PLS1: variants seen among roughly 807,000 people sequenced by gnomAD.
PLS1 encodes plastin 1.
A neutral mutation model predicts 73.7 loss-of-function variants in PLS1; 32 were observed. That is an observed-to-expected ratio of 0.43 (90% confidence interval 0.33 to 0.58). The LOEUF (loss-of-function observed/expected upper bound fraction) is 0.58, where lower values mean the gene tolerates loss of function less well. Ranked by LOEUF, PLS1 falls within the 20% of genes least tolerant of loss-of-function variation. The probability of loss-of-function intolerance (pLI) is 0.04; values close to 1 mark genes in which losing one functional copy is unlikely to be tolerated. For missense variants in PLS1, 633 were observed against 740.5 expected (o/e 0.85, Z 1.68); for synonymous variants, 217 against 261.3 (o/e 0.83, Z 1.63).
chr3:142,613,174 C>T (rs554918857), intron 1 of PLS1, among the ~76,000 whole-genome samples: 40 of 152,274 alleles, frequency 2.6e-4, no homozygotes, highest in African/African-American at 7.9e-4. Context: ...AGTTTACTTT[C>T]CCATTTAAGT....
At chr3:142,679,256 G>A (rs1332629593) in intron 6 of PLS1, among the ~76,000 whole-genome samples, 5 of 151,250 alleles carry the variant, frequency 3.3e-5, no homozygotes, top group Admixed American at 6.6e-5. Context: ...TTCTTTTGCT[G>A]TGCAGAAGCT....
At chr3:142,647,034 G>C (rs929309624) in intron 1 of PLS1, among the ~76,000 whole-genome samples, 1 of 152,176 alleles carries the variant, frequency 6.6e-6, no homozygotes, top group Non-Finnish European at 1.5e-5. Context: ...GGTGGAAAAA[G>C]GGAGAGTCCT....
intron 1 of PLS1, among the ~76,000 whole-genome samples, chr3:142,631,103 A>C (rs1273315821): frequency 6.6e-6 from 1 of 151,780 alleles, no homozygotes. Context: ...GAGACTGGGC[A>C]TGGTGGCTCA....
chr3:142,600,371 G>C (rs13093869), intron 1 of PLS1, among the ~76,000 whole-genome samples: 98,055 of 151,864 alleles, frequency 0.65, 33,198 homozygotes, highest in African/African-American at 0.87. Context: ...TAGATATATT[G>C]TACACTACCA....
chr3:142,659,739 C>T (rs771754588), intron 1 of PLS1, among the ~76,000 whole-genome samples: 22 of 151,104 alleles, frequency 1.5e-4, no homozygotes, highest in Non-Finnish European at 2.8e-4. Flanking sequence ...TCTTGTTGCC[C>T]AGACTGGAGT....
intron 1 of PLS1, among the ~76,000 whole-genome samples, chr3:142,610,811 C>T (rs1459551658): frequency 1.3e-5 from 2 of 152,112 alleles, no homozygotes; most frequent in South Asian, 2.1e-4. Context: ...TATGAGGAGC[C>T]CCATCTCAGG....
intron 10 of PLS1, among the ~76,000 whole-genome samples, chr3:142,690,181 T>C (rs1168262734): frequency 1.3e-5 from 2 of 152,196 alleles, no homozygotes; most frequent in East Asian, 3.8e-4. Flanking sequence ...TATTGTTCTC[T>C]TTTTAAGGTT....
intron 1 of PLS1, among the ~76,000 whole-genome samples, chr3:142,626,421 C>T (rs2036429935): frequency 6.6e-6 from 1 of 151,864 alleles, no homozygotes; most frequent in African/African-American, 2.4e-5. Flanking sequence ...TCCTGGCAGC[C>T]AAACATAAAG....
intron 1 of PLS1, among the ~76,000 whole-genome samples, chr3:142,652,708 G>A (rs2037125465): frequency 2.6e-5 from 4 of 152,184 alleles, no homozygotes; most frequent in Admixed American, 2.6e-4. Flanking sequence ...CACCTGTTTG[G>A]TGTTAGCCAT....
At chr3:142,633,097 A>C (rs1236881348) in intron 1 of PLS1, among the ~76,000 whole-genome samples, 2 of 152,240 alleles carry the variant, frequency 1.3e-5, no homozygotes, top group Non-Finnish European at 2.9e-5. Context: ...ACGAACCTCA[A>C]GGACGTTTTA....
Position 142,633,148 on chromosome 3 carries a change from T to C in PLS1, c.-36-31054T>C, listed in dbSNP as rs115670362. On this transcript the variant is annotated intron_variant, in intron 1 of 15. Transcript: ENST00000457734. The stretch of plus-strand genomic sequence containing the variant: ...CAGTGACAAAAGTACAAAGACTGTA[T>C]GATTCCACTCATGTGAACCATGTAG... 6.2e-3 allele frequency among the ~76,000 whole-genome samples: 939 copies of C among 152,356 alleles called. 4 individuals carry two copies. Among genetic ancestry groups the C allele is most frequent in the Non-Finnish European group, 9.4e-3 (639 of 68,032 alleles).
rs10631186 is a variant in PLS1 at position 142,704,635 on chromosome 3, ATTTTTTTTTTTTTTTTT to A, written c.1629+63_1629+79del. On this transcript the variant is annotated intron_variant, in intron 14 of 15. Coordinates refer to ENST00000457734, the MANE Select transcript of PLS1 (RefSeq NM_001145319.2). Reference sequence around the variant, plus strand: ...TTTTTTTTTGTAGGTATAGGAAGGAATTTTTTTTTTTTTTTTTTTTTTTTTTTTTTGGAGATGGAGTC... The same window carrying A: ...TTTTTTTTTGTAGGTATAGGAAGGAATTTTTTTTTTTTTGGAGATGGAGTC... 304 of 261,992 alleles carry A rather than the reference ATTTTTTTTTTTTTTTTT, an allele frequency of 1.2e-3. 2 individuals are homozygous for A. The highest frequency in any genetic ancestry group is 3.3e-3 in the South Asian group (82 of 24,624). The allele number at this position is 261,992 out of a possible 1,614,324, so 16.2% of individuals were successfully genotyped here.
chr3:142,712,999 A>G lies in PLS1; in HGVS notation c.*992A>G, dbSNP rs1438831014. On this transcript the variant is annotated 3_prime_UTR_variant, in exon 16 of 16. Coordinates refer to ENST00000457734, the MANE Select transcript of PLS1 (RefSeq NM_001145319.2). ...CTGTTAGCTTCATATTATACTTGCTAGTTTAGGTCTCTATAGAAGCCCTAT... is the reference window on the plus strand; with the variant it reads ...CTGTTAGCTTCATATTATACTTGCTGGTTTAGGTCTCTATAGAAGCCCTAT... 1 of 152,598 alleles carries G rather than the reference A, an allele frequency of 6.6e-6. No homozygotes were observed. The highest frequency in any genetic ancestry group is 1.9e-4 in the East Asian group (1 of 5,206). The allele number at this position is 152,598 out of a possible 1,614,324, so 9.5% of individuals were successfully genotyped here.
At chr3:142,696,721 A>AATAATAATT (rs10683463) in intron 11 of PLS1, among the ~76,000 whole-genome samples, 1 of 10,772 alleles carries the variant, frequency 9.3e-5, no homozygotes, top group African/African-American at 1.4e-3. Context: ...CTATTTGCAA[A>AATAATAATT]ATAATAATAA....
intron 1 of PLS1, among the ~76,000 whole-genome samples, chr3:142,603,085 G>A (rs1444971033): frequency 6.6e-6 from 1 of 152,174 alleles, no homozygotes; most frequent in Non-Finnish European, 1.5e-5. Flanking sequence ...TGCTGCATAC[G>A]GGTTTATTGG....
At chr3:142,633,342 T>A (rs534955502) in intron 1 of PLS1, among the ~76,000 whole-genome samples, 1 of 152,302 alleles carries the variant, frequency 6.6e-6, no homozygotes, top group East Asian at 1.9e-4. Context: ...AAATGTATAC[T>A]TAAAAATGGT....
chr3:142,683,465 T>C (rs563165642), intron 6 of PLS1, among the ~76,000 whole-genome samples: 25 of 152,052 alleles, frequency 1.6e-4, no homozygotes, highest in Admixed American at 3.3e-4. Context: ...GATAGTGCCA[T>C]TGCACTCCAG....
At position 142,712,382 on chromosome 3, in the gene PLS1, T is replaced by G. The variant is rs1218737001; in HGVS notation, c.*375T>G. 2 of 170,104 alleles carry G rather than the reference T, an allele frequency of 1.2e-5. No homozygotes were observed. Among genetic ancestry groups the G allele is most frequent in the Non-Finnish European group, 2.5e-5 (2 of 78,700 alleles). The allele number at this position is 170,104 out of a possible 1,614,324, so 10.5% of individuals were successfully genotyped here. A position where few individuals can be genotyped will look rare whatever the true frequency, so the allele number is the denominator to read the frequency against. On this transcript the variant is annotated 3_prime_UTR_variant, in exon 16 of 16. Transcript: ENST00000457734. ...ATGTGGTTTGATTTTTTTGGTGTGT[T>G]AATTTTGATCATAAATGCATTCATA... is the stretch of plus-strand genomic sequence containing the variant.
chr3:142,652,607 G>A (rs1042432413), intron 1 of PLS1, among the ~76,000 whole-genome samples: 3 of 152,160 alleles, frequency 2.0e-5, no homozygotes, highest in Non-Finnish European at 2.9e-5. Context: ...GGTGAGGCAC[G>A]TTTCACATTG....
Sources: gnomAD v4.1 joint callset for allele counts (sites outside exome capture counted in the v4.1 genomes callset) on GRCh38, gnomAD v4.1.1 for gene constraint, MANE v1.5 for transcripts, NCBI Gene and HGNC (gene_info 2026-07-23, HGNC 2026-07-21) for gene names.